The following SRPX variants were observed in gnomAD, a reference collection of about 807,000 sequenced individuals.
SRPX encodes the protein sushi repeat containing protein X-linked.
SRPX carries 24 observed loss-of-function variants against 38.1 expected under a neutral mutation model. That is an observed-to-expected ratio of 0.63 (90% CI 0.46 to 0.89). The LOEUF (loss-of-function observed/expected upper bound fraction) is 0.89. Among genes scored for constraint, SRPX ranks in the 40% least tolerant of loss-of-function variants. The probability of loss-of-function intolerance (pLI) is 0.00; values close to 1 mark genes in which losing one functional copy is unlikely to be tolerated. For missense variants in SRPX, 416 were observed against 377.8 expected, an observed-to-expected ratio of 1.10 and a Z score of -0.84; for synonymous variants, 184 against 153.8, an observed-to-expected ratio of 1.20 and a Z score of -1.45.
At chrX:38,217,388 C>T (rs1015891832) in intron 1 of SRPX, among the ~76,000 whole-genome samples, 2 of 111,411 alleles carry the variant, frequency 1.8e-5, no homozygotes, top group African/African-American at 6.5e-5. Context: ...GGATGATGGG[C>T]AGAATTTGGA....
intron 8 of SRPX, among the ~76,000 whole-genome samples, chrX:38,156,058 C>T (rs1938126767): frequency 8.9e-6 from 1 of 112,139 alleles, no homozygotes; most frequent in African/African-American, 3.2e-5. Flanking sequence ...CTGTTCTAAG[C>T]ACTTAGTTCT....
chrX:38,174,229 C>T lies in SRPX; in HGVS notation c.280G>A (p.Glu94Lys), dbSNP rs1938529701. 1 of 1,159,518 alleles carries T rather than the reference C, an allele frequency of 8.6e-7. No individual in the cohort carries two copies. The part of the protein sequence containing the change: ...RCDIRCQKGY[E>K]LHGSSLLICQ... ...ATCAGTAGGGAAGAGCCATGCAGCT[C>T]GTAGCCCTTCTGGCAGCGAATGTCG... Residue 94 changes from glutamate to lysine, a missense_variant, in exon 3 of 10, where the codon GAG (glutamate) becomes AAG (lysine). Glu to Lys is a moderately conservative substitution (Grantham distance 56). Transcript: ENST00000378533.
intron 1 of SRPX, among the ~76,000 whole-genome samples, chrX:38,191,655 C>T (rs1016114482): frequency 1.7e-4 from 19 of 111,359 alleles, no homozygotes; most frequent in African/African-American, 5.6e-4. Context: ...AATGGAATGG[C>T]ATAGTTTAAT....
chrX:38,217,846 A>G (rs2147134191), intron 1 of SRPX, among the ~76,000 whole-genome samples: 1 of 112,325 alleles, frequency 8.9e-6, no homozygotes, highest in Admixed American at 9.4e-5. Context: ...CAAATCTGCG[A>G]AATGAGTAGT....
intron 1 of SRPX, among the ~76,000 whole-genome samples, chrX:38,183,036 T>C (rs982997715): frequency 9.4e-6 from 1 of 105,937 alleles, no homozygotes; most frequent in Non-Finnish European, 1.9e-5. Context: ...ATGAAAACTT[T>C]ACTGCATATT....
At chrX:38,182,153 T>C (rs1938684933) in intron 1 of SRPX, among the ~76,000 whole-genome samples, 1 of 112,268 alleles carries the variant, frequency 8.9e-6, no homozygotes, top group African/African-American at 3.2e-5. Flanking sequence ...TTTAGATTTA[T>C]CATTAGGGAA....
At chrX:38,185,908 G>A (rs1175119952) in intron 1 of SRPX, among the ~76,000 whole-genome samples, 2 of 103,169 alleles carry the variant, frequency 1.9e-5, no homozygotes, top group Non-Finnish European at 3.9e-5. Flanking sequence ...AGGGGGGGGG[G>A]AGTGAGTATA....
chrX:38,209,592 G>T (rs187390099), intron 1 of SRPX, among the ~76,000 whole-genome samples: 3 of 111,805 alleles, frequency 2.7e-5, no homozygotes, highest in African/African-American at 9.8e-5. Context: ...ATGGAGAAAA[G>T]GGTCACTCAC....
chrX:38,171,687 A>ACGAAG (rs1485259874), intron 4 of SRPX, among the ~76,000 whole-genome samples, 194 bp downstream of exon 4: 3 of 112,315 alleles, frequency 2.7e-5, no homozygotes, highest in South Asian at 3.7e-4. Context: ...GCCATCAGCT[A>ACGAAG]CGAAGTCAGC....
chrX:38,217,571 G>C (rs189698523), intron 1 of SRPX, among the ~76,000 whole-genome samples: 3 of 112,078 alleles, frequency 2.7e-5, no homozygotes, highest in African/African-American at 9.7e-5. Context: ...CTTTTTACTT[G>C]AGTGAGAACA....
At chrX:38,171,817 C>A in intron 4 of SRPX, 64 bp downstream of exon 4, 7 of 1,117,904 alleles carry the variant, frequency 6.3e-6, no homozygotes, top group Non-Finnish European at 8.6e-6. Flanking sequence ...TTACAATCCA[C>A]GATGTGAACA....
chrX:38,154,701 C>G (rs1281528503), intron 8 of SRPX, 118 bp from the exon 9 acceptor site: 2 of 911,220 alleles, frequency 2.2e-6, no homozygotes, highest in African/African-American at 4.0e-5. Context: ...TTTGCTCACT[C>G]TGAACTGTCC....
rs141461507 is a variant in SRPX at position 38,160,777 on chromosome X, A to G, written c.775+156T>C. ...ATGTGTATCGTGAAATTCAGGCATT[A>G]AGATAGGGCACTTCCCCAAGCCTTA... On this transcript the variant is annotated intron_variant, in intron 6 of 9. Transcript: ENST00000378533. Among the ~76,000 whole-genome samples, 1,081 of 111,918 alleles carry G rather than the reference A, an allele frequency of 9.7e-3. 11 individuals carry two copies. The highest frequency in any genetic ancestry group is 0.032 in the African/African-American group (990 of 30,805).
At chrX:38,171,378 G>T in intron 4 of SRPX, among the ~76,000 whole-genome samples, 1 of 111,595 alleles carries the variant, frequency 9.0e-6, no homozygotes, top group Admixed American at 9.6e-5. Flanking sequence ...TGCTACTGCT[G>T]CTTCTGCTCC....
intron 1 of SRPX, among the ~76,000 whole-genome samples, chrX:38,216,457 A>G (rs1365342574): frequency 8.9e-6 from 1 of 112,828 alleles, no homozygotes; most frequent in Admixed American, 9.3e-5. Context: ...CTATTTCAGA[A>G]CTAAACCCAA....
intron 1 of SRPX, among the ~76,000 whole-genome samples, chrX:38,217,583 G>A (rs1939440653): frequency 8.9e-6 from 1 of 111,778 alleles, no homozygotes; most frequent in Non-Finnish European, 1.9e-5. Flanking sequence ...GTGAGAACAG[G>A]GACCTGCTGC....
At chrX:38,213,318 A>G (rs1046568547) in intron 1 of SRPX, among the ~76,000 whole-genome samples, 39 of 112,276 alleles carry the variant, frequency 3.5e-4, no homozygotes, top group African/African-American at 1.2e-3. Flanking sequence ...TTCTAAGACC[A>G]TTGAATTGTA....
At chrX:38,190,252 GAGAC>G (rs1938874724) in intron 1 of SRPX, among the ~76,000 whole-genome samples, 1 of 112,101 alleles carries the variant, frequency 8.9e-6, no homozygotes, top group Non-Finnish European at 1.9e-5. Flanking sequence ...ATGGCAGAGA[GAGAC>G]AGAGAGAAGA....
intron 1 of SRPX, among the ~76,000 whole-genome samples, chrX:38,180,153 G>A (rs1938641025): frequency 9.0e-6 from 1 of 110,825 alleles, no homozygotes; most frequent in Admixed American, 9.6e-5. Flanking sequence ...CCCCCGCCCA[G>A]CCCTCCAACA....
Sources: gnomAD v4.1 joint callset for allele counts (sites outside exome capture counted in the v4.1 genomes callset) on GRCh38, gnomAD v4.1.1 for gene constraint, MANE v1.5 for transcripts, NCBI Gene and HGNC (gene_info 2026-07-23, HGNC 2026-07-21) for gene names.